GFM1: variants seen among roughly 807,000 people sequenced by gnomAD.
The protein encoded by GFM1 is G elongation factor mitochondrial 1, also known as elongation factor G, mitochondrial.
A neutral mutation model predicts 96.2 loss-of-function variants in GFM1; 62 were observed. The observed-to-expected ratio is 0.64, with a 90% CI of 0.53 to 0.80. The LOEUF (loss-of-function observed/expected upper bound fraction) is 0.80, where lower values mean the gene tolerates loss of function less well. Ranked by LOEUF, GFM1 falls within the 30% of genes least tolerant of loss-of-function variation. The pLI, the probability that GFM1 is intolerant of heterozygous loss-of-function variation, is 0.00. For synonymous variants in GFM1, 282 were observed against 312.9 expected, an observed-to-expected ratio of 0.90 and a Z score of 1.04; for missense variants, 852 against 916.6, an observed-to-expected ratio of 0.93 and a Z score of 0.91.
chr3:158,684,724 C>T, intron 15 of GFM1, 56 bp downstream of exon 15: 4 of 1,578,876 alleles, frequency 2.5e-6, no homozygotes, highest in Non-Finnish European at 3.5e-6. Context: ...TCATCATAGC[C>T]TCAGAAGGCA....
At chr3:158,674,187 T>C (rs2108075775) in intron 13 of GFM1, among the ~76,000 whole-genome samples, 1 of 151,718 alleles carries the variant, frequency 6.6e-6, no homozygotes, top group East Asian at 1.9e-4. Context: ...TTCAAGCATT[T>C]CTCCTGCCTC....
At chr3:158,654,270 G>A (rs957269287) in intron 7 of GFM1, among the ~76,000 whole-genome samples, 1 of 128,448 alleles carries the variant, frequency 7.8e-6, no homozygotes, top group Non-Finnish European at 1.6e-5. Flanking sequence ...CTGGAGTGCA[G>A]TGGTGCAGTA....
rs1403858647 is a variant in GFM1 at position 158,672,438 on chromosome 3, G to T, written c.1601+6052G>T. The T allele has an allele frequency of 1.9e-6, 3 of 1,613,952 alleles. No individual in the cohort carries two copies. The African/African-American group carries it at 4.0e-5, about 22-fold the overall frequency. ...GTTGATGTAGTTCTGTGCCACCAAG[G>T]CCGCCCTGGAGGCTGGGTAGTTGGT... On this transcript the variant is annotated intron_variant, in intron 13 of 17. Transcript: ENST00000486715.
Position 158,666,330 on chromosome 3 carries a change from T to G in GFM1, c.1545T>G (p.Pro515=), listed in dbSNP as rs1404684865. Residue 515 remains proline, a synonymous_variant, in exon 13 of 18, where the codon CCT becomes CCG. Transcript: ENST00000486715. ...AQRLEREYGC[P]CITGKPKVAF... ...GGCTGGAAAGAGAGTATGGCTGTCC[T>G]TGTATCACAGGAAAGCCAAAAGTTG... The G allele has an allele frequency of 6.2e-7, 1 of 1,613,618 alleles. No individual in the cohort carries two copies.
chr3:158,648,230 C>G (rs1721990673), intron 4 of GFM1, among the ~76,000 whole-genome samples: 1 of 152,136 alleles, frequency 6.6e-6, no homozygotes, highest in Non-Finnish European at 1.5e-5. Context: ...GTTCACATTT[C>G]TCTTTCAAGC....
At chr3:158,681,521 C>G (rs753843123) in intron 13 of GFM1, among the ~76,000 whole-genome samples, 2 of 152,128 alleles carry the variant, frequency 1.3e-5, no homozygotes, top group Non-Finnish European at 2.9e-5. Flanking sequence ...TTGGAAATCC[C>G]TTTTCTTGTA....
chr3:158,646,262 G>A lies in GFM1; in HGVS notation c.332G>A (p.Trp111Ter), dbSNP rs771055207. 1.9e-6 allele frequency: 3 copies of A among 1,614,038 alleles called. No homozygotes were observed. Among genetic ancestry groups the A allele is most frequent in the Non-Finnish European group, 1.7e-6 (2 of 1,179,912 alleles). The change falls in exon 3 of 18, where the codon TGG becomes TAG. Residue 111 changes from tryptophan (W) to a stop codon, truncating the protein, a stop_gained. Coordinates refer to ENST00000486715, the MANE Select transcript of GFM1 (RefSeq NM_024996.7). LOFTEE classifies it high-confidence loss of function. Reference sequence around the variant, plus strand: ...CAGTCAGCAGCCACTTACACCATGTGGAAAGATGTCAATATTAACATTATA... The same window carrying A: ...CAGTCAGCAGCCACTTACACCATGTAGAAAGATGTCAATATTAACATTATA... Reference protein sequence around the residue: ...TIQSAATYTMWKDVNINIIDT... With the variant: ...TIQSAATYTM
chr3:158,667,127 ATTACAT>A (rs1723782372), intron 13 of GFM1: 3 of 1,475,806 alleles, frequency 2.0e-6, no homozygotes, highest in Non-Finnish European at 2.7e-6. Context: ...TTTGGCAAAA[ATTACAT>A]TTAATTTTGA....
At chr3:158,659,484 A>G (rs926488381) in intron 9 of GFM1, among the ~76,000 whole-genome samples, 1 of 152,242 alleles carries the variant, frequency 6.6e-6, no homozygotes, top group Non-Finnish European at 1.5e-5. Context: ...TACGGCAGGC[A>G]CAAAAGCCCT....
Position 158,649,058 on chromosome 3 carries a change from A to T in GFM1, c.590A>T (p.Asn197Ile). 2 of 1,519,572 alleles carry T rather than the reference A, an allele frequency of 1.3e-6. No individual in the cohort carries two copies. Among genetic ancestry groups the T allele is most frequent in the Non-Finnish European group, 1.8e-6 (2 of 1,094,344 alleles). 94.1% of individuals were successfully genotyped at this position (1,519,572 alleles called of 1,614,324 possible). Residue 197 changes from asparagine to isoleucine, a missense_variant, in exon 5 of 18, where the codon AAT becomes ATT. By Grantham distance (149) the Asn-to-Ile change is moderately radical. Coordinates refer to ENST00000486715, the MANE Select transcript of GFM1 (RefSeq NM_024996.7). ...LQQMRSKLNH[N>I]AAFMQIPMGL... is the part of the protein sequence containing the mutation. ...TTTTTCAGGTCTAAACTAAATCATA[A>T]TGCAGCGTTTATGCAGATACCCATG... is the stretch of plus-strand genomic sequence containing the variant.
Position 158,665,447 on chromosome 3 carries a change from A to C in GFM1, c.1491A>C (p.Gly497=), listed in dbSNP as rs764861938. 1.2e-6 allele frequency: 2 copies of C among 1,610,792 alleles called. No individual in the cohort carries two copies. Among genetic ancestry groups the C allele is most frequent in the East Asian group, 4.5e-5 (2 of 44,784 alleles). The change falls in exon 12 of 18, where the codon GGA becomes GGC. Residue 497 remains glycine (G), a synonymous_variant. Coordinates refer to ENST00000486715, the MANE Select transcript of GFM1 (RefSeq NM_024996.7). Reference sequence around the variant, plus strand: ...AAGAGACAGTTATATCTGGAATGGGAGAATTACACCTGGAAATCTATGCTC... The same window carrying C: ...AAGAGACAGTTATATCTGGAATGGGCGAATTACACCTGGAAATCTATGCTC... ...ENKETVISGM[G]ELHLEIYAQR...
intron 4 of GFM1, among the ~76,000 whole-genome samples, chr3:158,647,730 TTTTATCCTTATTTTACTTA>T (rs1328616693): frequency 6.6e-6 from 1 of 152,198 alleles, no homozygotes; most frequent in African/African-American, 2.4e-5. Flanking sequence ...TGTTTTTAGT[TTTTATCCTTATTTTACTTA>T]TGCTTGGCAA....
intron 15 of GFM1, among the ~76,000 whole-genome samples, chr3:158,689,842 C>T (rs980974013): frequency 6.6e-6 from 1 of 151,618 alleles, no homozygotes; most frequent in Non-Finnish European, 1.5e-5. Flanking sequence ...GAATAAATAA[C>T]TCAGCTGGAT....
chr3:158,669,118 C>A (rs983923526), intron 13 of GFM1: 1 of 1,613,378 alleles, frequency 6.2e-7, no homozygotes, highest in African/African-American at 1.3e-5. Context: ...TCTGGAGATA[C>A]ATTTCCAAAA....
Position 158,654,350 on chromosome 3 carries a change from A to G in GFM1, c.999-197A>G, listed in dbSNP as rs1336480453. 2.0e-4 allele frequency among the ~76,000 whole-genome samples: 31 copies of G among 151,624 alleles called. 2 individuals carry two copies. The highest frequency in any genetic ancestry group is 4.3e-4 in the Non-Finnish European group (29 of 67,978). ...CACTTCTGTTTCCCAAAGTGTGGGC[A>G]TTATAGGCATGAGCCACTATGCCCA... On this transcript the variant is annotated intron_variant, in intron 7 of 17. Transcript: ENST00000486715.
intron 13 of GFM1, 96 bp downstream of exon 13, chr3:158,666,482 T>C: frequency 1.7e-6 from 2 of 1,179,278 alleles, no homozygotes; most frequent in Non-Finnish European, 1.3e-6. Flanking sequence ...GACATTTTTA[T>C]GTAGTGATAC....
rs1576757254 is a variant in GFM1 at position 158,666,353 on chromosome 3, T to G, written c.1568T>G (p.Val523Gly). The change falls in exon 13 of 18, where the codon GTT becomes GGT. Residue 523 changes from valine to glycine, a missense_variant. By Grantham distance (109) the Val-to-Gly change is moderately radical. Coordinates refer to ENST00000486715, the MANE Select transcript of GFM1 (RefSeq NM_024996.7). The stretch of plus-strand genomic sequence containing the variant: ...CCTTGTATCACAGGAAAGCCAAAAG[T>G]TGCCTTTCGAGAGACCATTACTGCC... ...GCPCITGKPK[V>G]AFRETITAPV... The G allele has an allele frequency of 6.2e-7, 1 of 1,613,910 alleles. No homozygotes were observed. The highest frequency in any genetic ancestry group is 8.5e-7 in the Non-Finnish European group (1 of 1,179,872).
chr3:158,685,643 A>T (rs1348189565), intron 15 of GFM1, among the ~76,000 whole-genome samples: 1 of 152,050 alleles, frequency 6.6e-6, no homozygotes. Context: ...TATTTTACTT[A>T]TGTTTCAGTT....
chr3:158,645,037 T>C (rs1721646745), intron 1 of GFM1, among the ~76,000 whole-genome samples: 2 of 151,334 alleles, frequency 1.3e-5, no homozygotes, highest in Admixed American at 1.3e-4. Context: ...ATTTTGGATG[T>C]GCAGTCCTAT....
Sources: allele counts gnomAD v4.1 joint callset (sites outside exome capture counted in the v4.1 genomes callset), GRCh38; gene constraint gnomAD v4.1.1; transcripts MANE v1.5; gene names NCBI Gene and HGNC (gene_info 2026-07-23, HGNC 2026-07-21).